USP9X: variants seen among roughly 807,000 people sequenced by gnomAD.
The protein encoded by USP9X is ubiquitin carboxyl-terminal hydrolase 9X.
USP9X carries 7 observed loss-of-function variants against 190.3 expected under a neutral mutation model. That is an observed-to-expected ratio of 0.04 (90% CI 0.02 to 0.07). The LOEUF (loss-of-function observed/expected upper bound fraction) is 0.07. Ranked by LOEUF, USP9X falls within the 10% of genes least tolerant of loss-of-function variation. USP9X has a pLI of 1.00. For missense variants in USP9X, 1,010 were observed against 1,916.9 expected (o/e 0.53, Z 8.83); for synonymous variants, 645 against 659.5 (o/e 0.98, Z 0.34).
chrX:41,161,329 C>CCTTTTTTT (rs1490069176), intron 14 of USP9X, among the ~76,000 whole-genome samples: 1 of 32,486 alleles, frequency 3.1e-5, no homozygotes, highest in African/African-American at 1.5e-4. Flanking sequence ...GAATTCTTGC[C>CCTTTTTTT]TTTTTTTTTT....
chrX:41,139,517 C>T (rs1390401151), intron 6 of USP9X, among the ~76,000 whole-genome samples: 4 of 111,379 alleles, frequency 3.6e-5, no homozygotes, highest in Non-Finnish European at 5.7e-5. Flanking sequence ...AAAAATTAGC[C>T]GGGTGTGGTG....
At chrX:41,169,658 G>C (rs973300319) in intron 18 of USP9X, among the ~76,000 whole-genome samples, 1 of 110,545 alleles carries the variant, frequency 9.0e-6, no homozygotes, top group Admixed American at 9.6e-5. Flanking sequence ...GTTTTACCAT[G>C]TTGGCCAGGC....
chrX:41,115,893 A>T lies in USP9X; in HGVS notation c.-158-7578A>T, dbSNP rs563365403. On this transcript the variant is annotated intron_variant, in intron 1 of 44. Transcript: ENST00000378308. The stretch of plus-strand genomic sequence containing the variant: ...TCTGGAACATAGGGCAAATTTTAGC[A>T]GAGTTGGGATAATGACTGGGTAAGA... Among the ~76,000 whole-genome samples, 7 of 112,075 alleles carry T rather than the reference A, an allele frequency of 6.2e-5. No homozygotes were observed. The South Asian group carries it at 2.6e-3, about 41-fold the overall frequency.
At chrX:41,094,592 C>T (rs1017180217) in intron 1 of USP9X, among the ~76,000 whole-genome samples, 2 of 111,634 alleles carry the variant, frequency 1.8e-5, no homozygotes, top group East Asian at 2.8e-4. Flanking sequence ...TGCTACCTTA[C>T]TGTGATTGAA....
rs56367456 is a variant in USP9X at position 41,134,685 on chromosome X, G to A, written c.323-40G>A. 127,723 of 1,119,821 alleles carry A rather than the reference G, an allele frequency of 0.11. 6,023 individuals are homozygous for A. The highest frequency in any genetic ancestry group is 0.26 in the Admixed American group (11,750 of 44,865). 92.3% of individuals were successfully genotyped at this position (1,119,821 alleles called of 1,213,427 possible). A position where few individuals can be genotyped will look rare whatever the true frequency, so the allele number is the denominator to read the frequency against. ...TTGGACAATGTAAAAACAACCAGAT[G>A]AACATTTTGTTTGCATTAATTTTTC... On this transcript the variant is annotated intron_variant, in intron 4 of 44. Transcript: ENST00000378308.
chrX:41,118,323 C>G (rs1010829467), intron 1 of USP9X, among the ~76,000 whole-genome samples: 27 of 110,442 alleles, frequency 2.4e-4, no homozygotes, highest in African/African-American at 8.9e-4. Flanking sequence ...CATCATTCTA[C>G]TTTCTGTTTC....
chrX:41,162,444 A>G (rs1206691258), intron 14 of USP9X, among the ~76,000 whole-genome samples: 3 of 112,290 alleles, frequency 2.7e-5, no homozygotes, highest in Non-Finnish European at 5.6e-5. Context: ...AAGAAATTGA[A>G]GAAAAAAATT....
chrX:41,217,659 G>A (rs190370829), intron 36 of USP9X, among the ~76,000 whole-genome samples: 125 of 111,781 alleles, frequency 1.1e-3, no homozygotes, highest in Non-Finnish European at 9.6e-4. Context: ...GCCAGGGTGG[G>A]AGGATTGCTT....
Position 41,219,120 on chromosome X carries a change from T to C in USP9X, c.6454T>C (p.Leu2152=). 1 of 1,209,173 alleles carries C rather than the reference T, an allele frequency of 8.3e-7. No homozygotes were observed. The highest frequency in any genetic ancestry group is 3.0e-5 in the East Asian group (1 of 33,748). The part of the protein sequence containing the change: ...PSSQAYDNLS[L]SDHLLRAVLN... The stretch of plus-strand genomic sequence containing the variant: ...TTTACAGGCTTATGACAACTTAAGC[T>C]TGAGTGATCACTTACTAAGAGCAGT... Residue 2152 remains leucine (L), a synonymous_variant, in exon 38 of 45, where the codon TTG becomes CTG. Coordinates refer to ENST00000378308, the MANE Select transcript of USP9X (RefSeq NM_001039591.3).
intron 2 of USP9X, among the ~76,000 whole-genome samples, chrX:41,125,716 T>TCGCGCGCG (rs1158615913): frequency 3.0e-5 from 3 of 100,734 alleles, no homozygotes; most frequent in African/African-American, 1.2e-4. Flanking sequence ...TCTCTCTCTC[T>TCGCGCGCG]CTCGCGCACG....
chrX:41,229,084 G>A (rs972800282), intron 41 of USP9X, 169 bp from the exon 42 acceptor site: 31 of 347,651 alleles, frequency 8.9e-5, no homozygotes, highest in Non-Finnish European at 1.4e-4. Context: ...AGCCCAGGCC[G>A]TCTCAAAAAA....
In USP9X at chrX:41,196,270, C is replaced by G. The variant is rs1207100603; in HGVS notation, c.3997C>G (p.Gln1333Glu). Reference protein sequence around the residue: ...CHSKTVRQVAQEQFFLMCTRC... With the variant: ...CHSKTVRQVAEEQFFLMCTRC... ...TTTCAGAACTGTTCGTCAGGTGGCA[C>G]AGGAGCAGTTCTTTTTAATGTGCAC... Residue 1333 changes from glutamine to glutamate, a missense_variant, in exon 27 of 45, where the codon CAG becomes GAG. Transcript: ENST00000378308. 3.3e-6 allele frequency: 4 copies of G among 1,210,096 alleles called. No homozygotes were observed. The Admixed American group carries it at 8.8e-5, about 26-fold the overall frequency.
chrX:41,180,246 G>A lies in USP9X; in HGVS notation c.3149-3752G>A, dbSNP rs180693863. On this transcript the variant is annotated intron_variant, in intron 21 of 44. Coordinates refer to ENST00000378308, the MANE Select transcript of USP9X (RefSeq NM_001039591.3). ...ATATTTCATTCTTGTCTGTTACATCGTTTAGAATTTACATAGTTTCATTTG... is the reference window on the plus strand; with the variant it reads ...ATATTTCATTCTTGTCTGTTACATCATTTAGAATTTACATAGTTTCATTTG... Among the ~76,000 whole-genome samples, 4 of 112,343 alleles carry A rather than the reference G, an allele frequency of 3.6e-5. No homozygotes were observed. The East Asian group carries it at 8.4e-4, about 24-fold the overall frequency.
chrX:41,155,607 C>T (rs370919254), intron 14 of USP9X, among the ~76,000 whole-genome samples: 3 of 111,602 alleles, frequency 2.7e-5, no homozygotes, highest in Admixed American at 9.5e-5. Flanking sequence ...TTTTTAGGAA[C>T]GTTTTCCACA....
intron 21 of USP9X, among the ~76,000 whole-genome samples, chrX:41,178,120 G>A (rs1194966064): frequency 1.4e-5 from 1 of 72,483 alleles, no homozygotes; most frequent in Non-Finnish European, 2.5e-5. Context: ...TTTTTGAGAC[G>A]GAGATTTTGC....
At chrX:41,091,998 C>T (rs1174160175) in intron 1 of USP9X, among the ~76,000 whole-genome samples, 2 of 111,791 alleles carry the variant, frequency 1.8e-5, no homozygotes, top group Non-Finnish European at 3.8e-5. Context: ...ATGGGAAAAT[C>T]TGGGGCAGTA....
Position 41,164,986 on chromosome X carries a change from T to C in USP9X, c.1986-886T>C, listed in dbSNP as rs773044633. On this transcript the variant is annotated intron_variant, in intron 15 of 44. Transcript: ENST00000378308. ...TTTAAAATATATATCAGATTCCAAA[T>C]GGGATTTTCATTTGAAGAAGGGTCT... is the stretch of plus-strand genomic sequence containing the variant. 4.1e-4 allele frequency among the ~76,000 whole-genome samples: 46 copies of C among 111,594 alleles called. 2 individuals are homozygous for C. The South Asian group carries it at 0.017, about 41-fold the overall frequency.
At chrX:41,188,622 A>C (rs922445384) in intron 25 of USP9X, among the ~76,000 whole-genome samples, 5 of 111,693 alleles carry the variant, frequency 4.5e-5, no homozygotes, top group Admixed American at 2.9e-4. Flanking sequence ...CCCTGATGCT[A>C]CATATTTAGA....
intron 6 of USP9X, among the ~76,000 whole-genome samples, chrX:41,140,347 T>C (rs894092121): frequency 5.4e-5 from 6 of 111,918 alleles, no homozygotes; most frequent in Non-Finnish European, 5.6e-5. Flanking sequence ...TTTACAGTAA[T>C]TAGAAGGTAT....
Sources: gnomAD v4.1 joint callset for allele counts (sites outside exome capture counted in the v4.1 genomes callset) on GRCh38, gnomAD v4.1.1 for gene constraint, MANE v1.5 for transcripts, NCBI Gene and HGNC (gene_info 2026-07-23, HGNC 2026-07-21) for gene names.